The following FRY variants were observed in gnomAD, a reference collection of about 807,000 sequenced individuals.
The protein encoded by FRY is FRY microtubule binding protein.
Under a neutral mutation model 348.4 loss-of-function variants are expected in FRY, and 128 were observed. The observed-to-expected ratio is 0.37, with a 90% CI of 0.32 to 0.43. FRY has a LOEUF of 0.43. Ranked by LOEUF, FRY falls within the 20% of genes least tolerant of loss-of-function variation. The pLI, the probability that FRY is intolerant of heterozygous loss-of-function variation, is 1.00. For missense variants in FRY, 2,736 were observed against 3,695.2 expected (o/e 0.74, Z 6.73); for synonymous variants, 1,370 against 1,374.7 (o/e 1.00, Z 0.08).
intron 37 of FRY, 98 bp from the exon 38 acceptor site, chr13:32,224,835 A>T: frequency 1.2e-6 from 1 of 801,662 alleles, no homozygotes; most frequent in Non-Finnish European, 2.2e-6. Context: ...ATAATGTTTT[A>T]AAAACACTTA....
chr13:32,083,772 A>G (rs537766911), intron 2 of FRY, among the ~76,000 whole-genome samples: 26 of 152,188 alleles, frequency 1.7e-4, no homozygotes, highest in Admixed American at 1.5e-3. Context: ...CACTGGGAAC[A>G]TCGTTTCATC....
chr13:32,279,882 T>TTGAGTCCCTTGG lies in FRY; in HGVS notation c.8469+1336_8469+1347dup, dbSNP rs1238130647. Among the ~76,000 whole-genome samples, 36 of 152,352 alleles carry TTGAGTCCCTTGG rather than the reference T, an allele frequency of 2.4e-4. No individual in the cohort carries two copies. The East Asian group carries it at 5.6e-3, about 24-fold the overall frequency. ...GTAACATTGTCCATGCCAGCATTGA[T>TTGAGTCCCTTGG]TGAGTCCCTTGGTAAGCCCCTTGAT... On this transcript the variant is annotated intron_variant, in intron 58 of 60. Transcript: ENST00000542859.
intron 29 of FRY, among the ~76,000 whole-genome samples, chr13:32,201,006 C>T (rs1458676745): frequency 2.0e-5 from 3 of 152,120 alleles, no homozygotes; most frequent in African/African-American, 7.2e-5. Context: ...AAGTGAATGC[C>T]GTGGCCCCCC....
chr13:32,256,857 A>G (rs1566173682), intron 51 of FRY, among the ~76,000 whole-genome samples: 1 of 152,126 alleles, frequency 6.6e-6, no homozygotes, highest in Non-Finnish European at 1.5e-5. Context: ...AAAATCTGAA[A>G]TGCTCCAAAA....
chr13:32,181,696 A>G (rs1358759411), intron 23 of FRY, among the ~76,000 whole-genome samples: 1 of 152,044 alleles, frequency 6.6e-6, no homozygotes, highest in Non-Finnish European at 1.5e-5. Context: ...ACCTCTAAAT[A>G]CTTCTGGAGG....
At chr13:32,285,647 C>T (rs929293222) in intron 58 of FRY, among the ~76,000 whole-genome samples, 2 of 152,174 alleles carry the variant, frequency 1.3e-5, no homozygotes, top group African/African-American at 2.4e-5. Context: ...AATAAAAAGC[C>T]GTTTTCTTCA....
intron 27 of FRY, 26 bp from the exon 28 acceptor site, chr13:32,187,520 A>T (rs1342322786): frequency 3.7e-6 from 5 of 1,338,892 alleles, no homozygotes; most frequent in Non-Finnish European, 5.4e-6. Context: ...TTTCATTTCC[A>T]TGTCTTGTTG....
intron 19 of FRY, among the ~76,000 whole-genome samples, chr13:32,174,701 C>T (rs1029811486): frequency 2.8e-4 from 43 of 152,182 alleles, no homozygotes; most frequent in Admixed American, 2.6e-4. Context: ...AGATGTTCCT[C>T]ATATGTTGCT....
chr13:32,230,527 C>G (rs917228340), intron 40 of FRY, among the ~76,000 whole-genome samples: 1 of 152,110 alleles, frequency 6.6e-6, no homozygotes, highest in Non-Finnish European at 1.5e-5. Flanking sequence ...CACAGTATTC[C>G]GTGGTGTATA....
At chr13:32,050,955 GCATTTTAGGAAGACCCTTACAA>G (rs1873290079) in intron 1 of FRY, among the ~76,000 whole-genome samples, 1 of 152,084 alleles carries the variant, frequency 6.6e-6, no homozygotes, top group African/African-American at 2.4e-5. Flanking sequence ...CACCACATAC[GCATTTTAGGAAGACCCTTACAA>G]CATAACATGT....
At chr13:32,157,180 G>A in intron 15 of FRY, 93 bp from the exon 16 acceptor site, 1 of 1,192,774 alleles carries the variant, frequency 8.4e-7, no homozygotes, top group South Asian at 1.2e-5. Context: ...TGACTCATAA[G>A]GTCTTCAGTA....
At position 32,273,282 on chromosome 13, in the gene FRY, C is replaced by A. The variant is rs533896506; in HGVS notation, c.8137-1560C>A. Reference sequence around the variant, plus strand: ...TGTCGCCCAGGCTGGAGTGCAGTGGCGCAATCTCGGCTCACTGCAGGCTCC... The same window carrying A: ...TGTCGCCCAGGCTGGAGTGCAGTGGAGCAATCTCGGCTCACTGCAGGCTCC... On this transcript the variant is annotated intron_variant, in intron 55 of 60. Transcript: ENST00000542859. Among the ~76,000 whole-genome samples the A allele has an allele frequency of 9.1e-5, 13 of 143,566 alleles. No individual in the cohort carries two copies. The East Asian group carries it at 2.7e-3, about 30-fold the overall frequency. The allele number at this position is 143,566 out of a possible 152,430, so 94.2% of individuals were successfully genotyped here.
intron 29 of FRY, among the ~76,000 whole-genome samples, chr13:32,195,989 T>C (rs995463292): frequency 4.6e-5 from 7 of 152,216 alleles, no homozygotes; most frequent in African/African-American, 1.7e-4. Flanking sequence ...TCCACATAAA[T>C]TCTCAGCCTG....
intron 1 of FRY, among the ~76,000 whole-genome samples, chr13:32,074,747 G>A (rs1566056967): frequency 6.6e-6 from 1 of 152,208 alleles, no homozygotes; most frequent in Non-Finnish European, 1.5e-5. Context: ...AGGAACAATT[G>A]TTTCTTCAAC....
chr13:32,293,172 G>A (rs149665084), intron 59 of FRY, among the ~76,000 whole-genome samples: 1 of 152,182 alleles, frequency 6.6e-6, no homozygotes, highest in South Asian at 2.1e-4. Flanking sequence ...GTATTCATAT[G>A]GGTAGGTACA....
At chr13:32,272,337 A>T (rs1375720123) in intron 55 of FRY, among the ~76,000 whole-genome samples, 1 of 152,192 alleles carries the variant, frequency 6.6e-6, no homozygotes. Context: ...AAACAAGGGA[A>T]TGGTTTCTGT....
chr13:32,209,196 A>G (rs1884534076), intron 32 of FRY, 87 bp downstream of exon 32: 2 of 1,450,940 alleles, frequency 1.4e-6, no homozygotes, highest in Admixed American at 3.4e-5. Flanking sequence ...GGAAAATGGG[A>G]TTCCTTTAAA....
At chr13:32,128,954 C>T (rs1055207049) in intron 7 of FRY, among the ~76,000 whole-genome samples, 6 of 152,168 alleles carry the variant, frequency 3.9e-5, no homozygotes, top group African/African-American at 1.4e-4. Flanking sequence ...AAATTTATTT[C>T]CCACAGTTCT....
chr13:32,126,392 A>G (rs1175731437), intron 7 of FRY, among the ~76,000 whole-genome samples: 2 of 152,262 alleles, frequency 1.3e-5, no homozygotes, highest in African/African-American at 4.8e-5. Flanking sequence ...GTTGAGAAAC[A>G]CTGTCATAAC....
Sources: gnomAD v4.1 joint callset for allele counts (sites outside exome capture counted in the v4.1 genomes callset) on GRCh38, gnomAD v4.1.1 for gene constraint, MANE v1.5 for transcripts, NCBI Gene and HGNC (gene_info 2026-07-23, HGNC 2026-07-21) for gene names.